Variants in RNF220 observed in about 807,000 individuals in gnomAD.
RNF220 encodes the protein ring finger protein 220.
Under a neutral mutation model 67.1 loss-of-function variants are expected in RNF220, and 7 were observed. That is an observed-to-expected ratio of 0.10 (90% CI 0.06 to 0.20). The LOEUF is 0.20. Among genes scored for constraint, RNF220 ranks in the 10% least tolerant of loss-of-function variants. RNF220 has a pLI of 1.00. For missense variants in RNF220, 565 were observed against 740.3 expected (o/e 0.76, Z 2.75); for synonymous variants, 270 against 283.2 (o/e 0.95, Z 0.47).
chr1:44,632,275 G>A (rs1293786116), intron 5 of RNF220, 68 bp from the exon 6 acceptor site: 3 of 1,613,810 alleles, frequency 1.9e-6, no homozygotes, highest in Admixed American at 1.7e-5. Flanking sequence ...TGGGGCGGGG[G>A]CCAGGACTGC....
At chr1:44,529,641 G>T (rs1470461500) in intron 2 of RNF220, among the ~76,000 whole-genome samples, 2 of 152,130 alleles carry the variant, frequency 1.3e-5, no homozygotes, top group Admixed American at 1.3e-4. Context: ...CTCCCAAAGT[G>T]CTGGGATTAC....
At chr1:44,631,393 C>CA (rs1644115098) in intron 5 of RNF220, among the ~76,000 whole-genome samples, 1 of 152,306 alleles carries the variant, frequency 6.6e-6, no homozygotes, top group East Asian at 1.9e-4. Flanking sequence ...GGACGACTCT[C>CA]AACTTTCTTC....
At chr1:44,426,860 C>G (rs1649841461) in intron 2 of RNF220, among the ~76,000 whole-genome samples, 1 of 152,140 alleles carries the variant, frequency 6.6e-6, no homozygotes, top group Non-Finnish European at 1.5e-5. Context: ...CAGGGTTATT[C>G]CTCCAAGTTC....
intron 2 of RNF220, among the ~76,000 whole-genome samples, chr1:44,460,573 T>C (rs1653665291): frequency 6.6e-6 from 1 of 152,166 alleles, no homozygotes. Flanking sequence ...TCTTCGATCA[T>C]TGAGGGTTCA....
Position 44,650,405 on chromosome 1 carries a change from C to T in RNF220, c.1630-299C>T. 1 of 503,740 alleles carries T rather than the reference C, an allele frequency of 2.0e-6. No homozygotes were observed. The highest frequency in any genetic ancestry group is 3.3e-5 in the Admixed American group (1 of 30,464). The allele number at this position is 503,740 out of a possible 1,614,324, so 31.2% of individuals were successfully genotyped here. A position where few individuals can be genotyped will look rare whatever the true frequency, so the allele number is the denominator to read the frequency against. On this transcript the variant is annotated intron_variant, in intron 14 of 14. Coordinates refer to ENST00000361799, the MANE Select transcript of RNF220 (RefSeq NM_018150.4). The surrounding 1 kb of genome is among the most constrained non-coding windows in gnomAD (Gnocchi z 4.3). ...AAGGCTCGGACGTGGGCTCTGTGTC[C>T]TGATCAAAGGCCGCGTGTAATCTCG...
At chr1:44,521,017 TCCCAAGTAACTAGGACTA>T (rs1659896149) in intron 2 of RNF220, among the ~76,000 whole-genome samples, 1 of 152,182 alleles carries the variant, frequency 6.6e-6, no homozygotes, top group Non-Finnish European at 1.5e-5. Flanking sequence ...CACCTCAGCC[TCCCAAGTAACTAGGACTA>T]CAGGTGTGCA....
intron 8 of RNF220, among the ~76,000 whole-genome samples, chr1:44,637,057 G>A (rs768911888): frequency 1.3e-5 from 2 of 152,238 alleles, no homozygotes; most frequent in East Asian, 1.9e-4. Flanking sequence ...TCTGCTTCCC[G>A]TCTGCCTCTC....
At chr1:44,520,879 A>G (rs1441742601) in intron 2 of RNF220, among the ~76,000 whole-genome samples, 1 of 152,118 alleles carries the variant, frequency 6.6e-6, no homozygotes, top group Non-Finnish European at 1.5e-5. Flanking sequence ...AACTGGGATG[A>G]TCTAATAATG....
intron 2 of RNF220, among the ~76,000 whole-genome samples, chr1:44,453,851 A>C (rs559170423): frequency 6.6e-6 from 1 of 152,320 alleles, no homozygotes; most frequent in East Asian, 1.9e-4. Context: ...ATTATTGAGG[A>C]TCCACAGAGA....
chr1:44,625,381 C>T (rs1643908898), intron 4 of RNF220, among the ~76,000 whole-genome samples: 1 of 152,242 alleles, frequency 6.6e-6, no homozygotes. Flanking sequence ...TGAGGATGTG[C>T]AGCATGGCCA....
At chr1:44,411,939 A>G in intron 1 of RNF220, 42 bp from the exon 2 acceptor site, 1 of 664,218 alleles carries the variant, frequency 1.5e-6, no homozygotes, top group East Asian at 3.3e-5. Context: ...CCTCCCCCTG[A>G]CTTTCCTCCC....
intron 2 of RNF220, among the ~76,000 whole-genome samples, chr1:44,467,014 C>T (rs1198788228): frequency 6.6e-6 from 1 of 152,206 alleles, no homozygotes; most frequent in Non-Finnish European, 1.5e-5. Flanking sequence ...TGGCATCTTC[C>T]AATATAAGGC....
intron 2 of RNF220, among the ~76,000 whole-genome samples, chr1:44,607,443 T>G (rs1667346908): frequency 6.6e-6 from 1 of 151,592 alleles, no homozygotes; most frequent in Non-Finnish European, 1.5e-5. Flanking sequence ...TTCCAGTTCC[T>G]CACTTAGGCT....
chr1:44,514,151 T>G (rs994425831), intron 2 of RNF220, among the ~76,000 whole-genome samples: 1 of 152,216 alleles, frequency 6.6e-6, no homozygotes, highest in Non-Finnish European at 1.5e-5. Context: ...CACTCCAAAC[T>G]GTGAGCTCTT....
At chr1:44,511,916 CGTGTGTGTGTGT>C (rs71728249) in intron 2 of RNF220, among the ~76,000 whole-genome samples, 42 of 147,706 alleles carry the variant, frequency 2.8e-4, no homozygotes, top group Admixed American at 2.6e-3. Flanking sequence ...CGTGTGTGTG[CGTGTGTGTGTGT>C]GTGTGTGTGT....
At chr1:44,544,300 G>GGTA (rs1661937396) in intron 2 of RNF220, among the ~76,000 whole-genome samples, 1 of 152,204 alleles carries the variant, frequency 6.6e-6, no homozygotes, top group Non-Finnish European at 1.5e-5. Flanking sequence ...GATTATAGTG[G>GGTA]GTAGTCACTT....
At position 44,606,192 on chromosome 1, in the gene RNF220, T is replaced by C. The variant is rs1206260306; in HGVS notation, c.626-7973T>C. ...TGACGTATTAATAAAACCAGCCGCA[T>C]TGCTCTGGCCCGGAGACTGGGGAAT... On this transcript the variant is annotated intron_variant, in intron 2 of 14. Coordinates refer to ENST00000361799, the MANE Select transcript of RNF220 (RefSeq NM_018150.4). The surrounding 1 kb of genome is among the most constrained non-coding windows in gnomAD (Gnocchi z 4.2). Among the ~76,000 whole-genome samples, 1 of 152,256 alleles carries C rather than the reference T, an allele frequency of 6.6e-6. No homozygotes were observed. The highest frequency in any genetic ancestry group is 6.5e-5 in the Admixed American group (1 of 15,292).
chr1:44,541,748 G>A (rs1397573236), intron 2 of RNF220, among the ~76,000 whole-genome samples: 4 of 152,210 alleles, frequency 2.6e-5, no homozygotes, highest in Admixed American at 2.0e-4. Flanking sequence ...ACAGCCACAA[G>A]TCCTTTGCAC....
intron 2 of RNF220, among the ~76,000 whole-genome samples, chr1:44,613,486 G>A (rs185045022): frequency 1.2e-4 from 19 of 152,372 alleles, no homozygotes. Flanking sequence ...CAGGTGCGGT[G>A]GCTCATGCCT....
Sources: allele counts gnomAD v4.1 joint callset (sites outside exome capture counted in the v4.1 genomes callset), GRCh38; gene constraint gnomAD v4.1.1; non-coding constraint Gnocchi (gnomAD v3.1); transcripts MANE v1.5; gene names NCBI Gene and HGNC (gene_info 2026-07-23, HGNC 2026-07-21).